Variants in TBC1D10A observed in about 807,000 individuals in gnomAD.
TBC1D10A encodes the protein EBP50-PDX interactor of 64 kDa.
In TBC1D10A, 24 loss-of-function variants were observed where a neutral mutation model predicts 52.9. The ratio of observed to expected loss-of-function variants is 0.45; its 90% CI spans 0.33 to 0.64. The LOEUF (loss-of-function observed/expected upper bound fraction) is 0.64. Ranked by LOEUF, TBC1D10A falls within the 30% of genes least tolerant of loss-of-function variation. The pLI, the probability that TBC1D10A is intolerant of heterozygous loss-of-function variation, is 0.02. For missense variants in TBC1D10A, 602 were observed against 687.9 expected (o/e 0.88, Z 1.40); for synonymous variants, 278 against 282.9 (o/e 0.98, Z 0.17).
intron 8 of TBC1D10A, 38 bp downstream of exon 8, chr22:30,293,613 C>T (rs1601667442): frequency 6.3e-7 from 1 of 1,581,656 alleles, no homozygotes; most frequent in Non-Finnish European, 8.6e-7. Context: ...CACCTGTCTT[C>T]CTCCCTCCCC....
chr22:30,321,532 T>C (rs1930652578), intron 1 of TBC1D10A, among the ~76,000 whole-genome samples: 1 of 152,228 alleles, frequency 6.6e-6, no homozygotes, highest in South Asian at 2.1e-4. Flanking sequence ...AGTTGGCTAG[T>C]AATGAAAGGC....
At chr22:30,316,361 C>G (rs943873854) in intron 1 of TBC1D10A, among the ~76,000 whole-genome samples, 11 of 152,166 alleles carry the variant, frequency 7.2e-5, no homozygotes, top group African/African-American at 2.7e-4. Flanking sequence ...AGGAACAGAG[C>G]ATGCTGGGAG....
intron 1 of TBC1D10A, among the ~76,000 whole-genome samples, chr22:30,308,247 C>G (rs917320509): frequency 1.3e-5 from 2 of 151,412 alleles, no homozygotes; most frequent in African/African-American, 4.9e-5. Flanking sequence ...ACTTCTCTGC[C>G]TCCACAGGCC....
intron 8 of TBC1D10A, 84 bp downstream of exon 8, chr22:30,293,567 G>A: frequency 2.0e-6 from 3 of 1,515,624 alleles, no homozygotes; most frequent in Middle Eastern, 2.3e-4. Context: ...CACCCTCAGG[G>A]GCTGAGGGTT....
chr22:30,313,899 G>T (rs1259231193), intron 1 of TBC1D10A, among the ~76,000 whole-genome samples: 2 of 151,924 alleles, frequency 1.3e-5, no homozygotes, highest in Non-Finnish European at 2.9e-5. Flanking sequence ...CCCAGCACAG[G>T]GCTGAGCACA....
At position 30,294,046 on chromosome 22, in the gene TBC1D10A, T is replaced by A. The variant is rs1337824176; in HGVS notation, c.770A>T (p.His257Leu). The change falls in exon 7 of 9, where the codon CAC becomes CTC. Residue 257 changes from histidine (H) to leucine (L), a missense_variant. By Grantham distance (99) the His-to-Leu change is moderately conservative. Transcript: ENST00000215790. ...SLLQKVSPVA[H>L]KHLSRQKIDP... ...GATCTTCTGACGGCTGAGGTGCTTG[T>A]GGGCCACCGGCGACACCTTCTGCAA... 1.2e-6 allele frequency: 2 copies of A among 1,613,920 alleles called. No homozygotes were observed. The highest frequency in any genetic ancestry group is 2.7e-5 in the African/African-American group (2 of 74,892).
chr22:30,293,807 T>C lies in TBC1D10A; in HGVS notation c.896-2A>G, dbSNP rs1417760097. ...CCACCCGGAAGATGATCTTGACCCC[T>C]GCATGGGGGATGGGCAGTAAGTACA... On this transcript the variant is annotated splice_acceptor_variant, in intron 7 of 8. Coordinates refer to ENST00000215790, the MANE Select transcript of TBC1D10A (RefSeq NM_031937.3). LOFTEE classifies it high-confidence loss of function. 6.2e-7 allele frequency: 1 copy of C among 1,608,688 alleles called. No individual in the cohort carries two copies. Among genetic ancestry groups the C allele is most frequent in the Non-Finnish European group, 8.5e-7 (1 of 1,176,018 alleles).
At chr22:30,296,407 T>A (rs1250854717) in intron 3 of TBC1D10A, 1 of 153,742 alleles carries the variant, frequency 6.5e-6, no homozygotes, top group African/African-American at 2.4e-5. Context: ...GGAAGCCAGG[T>A]CTGACTCAAA....
intron 1 of TBC1D10A, among the ~76,000 whole-genome samples, chr22:30,307,511 C>T (rs1352322485): frequency 6.6e-6 from 1 of 152,162 alleles, no homozygotes; most frequent in African/African-American, 2.4e-5. Flanking sequence ...ATCTCAACAC[C>T]GCTTTTGAGG....
chr22:30,325,598 T>C (rs1010274261), intron 1 of TBC1D10A, among the ~76,000 whole-genome samples: 6 of 152,080 alleles, frequency 3.9e-5, no homozygotes, highest in African/African-American at 1.4e-4. Flanking sequence ...GAGTCCATCT[T>C]TCCTAAGGGG....
intron 1 of TBC1D10A, among the ~76,000 whole-genome samples, chr22:30,314,876 G>C (rs1482577079): frequency 1.3e-5 from 2 of 151,982 alleles, no homozygotes; most frequent in Admixed American, 6.6e-5. Flanking sequence ...GAGGAGGGTG[G>C]TGGTAATTAT....
intron 1 of TBC1D10A, among the ~76,000 whole-genome samples, chr22:30,312,794 G>C (rs754247971): frequency 3.3e-5 from 5 of 152,014 alleles, no homozygotes; most frequent in Admixed American, 2.0e-4. Flanking sequence ...ACTACTCCAG[G>C]GACAGAACAC....
intron 1 of TBC1D10A, among the ~76,000 whole-genome samples, chr22:30,306,319 C>T (rs954916532): frequency 2.8e-4 from 42 of 152,226 alleles, no homozygotes; most frequent in Admixed American, 1.3e-4. Flanking sequence ...CCAAAGAACT[C>T]ACAGGTGATT....
intron 1 of TBC1D10A, among the ~76,000 whole-genome samples, chr22:30,320,316 T>A (rs995272276): frequency 1.6e-4 from 24 of 152,012 alleles, no homozygotes; most frequent in Non-Finnish European, 5.9e-5. Context: ...GCCATGACCT[T>A]TCCCTGTACT....
chr22:30,294,152 C>A, intron 6 of TBC1D10A, 42 bp from the exon 7 acceptor site: 1 of 1,600,180 alleles, frequency 6.2e-7, no homozygotes, highest in South Asian at 1.1e-5. Context: ...CCGTGGGCTG[C>A]AGGAGCCAGG....
intron 1 of TBC1D10A, among the ~76,000 whole-genome samples, chr22:30,311,609 T>G (rs1399477044): frequency 6.6e-6 from 1 of 152,198 alleles, no homozygotes; most frequent in Non-Finnish European, 1.5e-5. Context: ...CTGGCCTTGG[T>G]GCCCTGGACC....
At chr22:30,295,294 GA>G (rs1930053113) in intron 4 of TBC1D10A, among the ~76,000 whole-genome samples, 1 of 152,324 alleles carries the variant, frequency 6.6e-6, no homozygotes, top group East Asian at 1.9e-4. Flanking sequence ...GGCTCAAAGA[GA>G]AAACAGGGAG....
At chr22:30,299,381 C>T in intron 3 of TBC1D10A, 63 bp downstream of exon 3, 1 of 1,519,636 alleles carries the variant, frequency 6.6e-7, no homozygotes, top group South Asian at 1.1e-5. Context: ...TGGAGGATTG[C>T]CGCCATGGGG....
chr22:30,302,794 T>C (rs1930228724), intron 2 of TBC1D10A, among the ~76,000 whole-genome samples: 1 of 152,080 alleles, frequency 6.6e-6, no homozygotes, highest in East Asian at 1.9e-4. Context: ...TGAGAGGTGC[T>C]CCCCGAAGCT....
Sources: gnomAD v4.1 joint callset for allele counts (sites outside exome capture counted in the v4.1 genomes callset) on GRCh38, gnomAD v4.1.1 for gene constraint, MANE v1.5 for transcripts, NCBI Gene and HGNC (gene_info 2026-07-23, HGNC 2026-07-21) for gene names.